The following DCC variants were observed in gnomAD, a reference collection of about 807,000 sequenced individuals.
DCC encodes netrin receptor DCC.
A neutral mutation model predicts 172.5 loss-of-function variants in DCC; 58 were observed. The observed-to-expected ratio is 0.34, with a 90% CI of 0.27 to 0.42. The LOEUF (loss-of-function observed/expected upper bound fraction) is 0.42, where lower values mean the gene tolerates loss of function less well. DCC is among the 10% of genes least tolerant of loss of function. The pLI, the probability that DCC is intolerant of heterozygous loss-of-function variation, is 1.00. For synonymous variants in DCC, 709 were observed against 644.5 expected, an observed-to-expected ratio of 1.10 and a Z score of -1.52; for missense variants, 1,740 against 1,791.0, an observed-to-expected ratio of 0.97 and a Z score of 0.51.
intron 26 of DCC, among the ~76,000 whole-genome samples, chr18:53,493,691 T>C (rs1453705372): frequency 6.6e-6 from 1 of 152,184 alleles, no homozygotes; most frequent in African/African-American, 2.4e-5. Context: ...CAGTCTATTT[T>C]GTTGATCTTT....
intron 9 of DCC, among the ~76,000 whole-genome samples, chr18:53,187,420 C>G (rs958511153): frequency 6.6e-6 from 1 of 152,068 alleles, no homozygotes; most frequent in African/African-American, 2.4e-5. Flanking sequence ...CCGTGCCTGG[C>G]TCTATTTCCT....
chr18:53,401,297 C>T (rs543549821), intron 18 of DCC, among the ~76,000 whole-genome samples: 4 of 152,244 alleles, frequency 2.6e-5, no homozygotes, highest in Admixed American at 2.0e-4. Context: ...TTCATTCCCC[C>T]CTCCTCTTCT....
intron 2 of DCC, among the ~76,000 whole-genome samples, chr18:52,805,280 A>G (rs1252301110): frequency 6.6e-6 from 1 of 152,222 alleles, no homozygotes; most frequent in African/African-American, 2.4e-5. Flanking sequence ...AGTGAGGTGT[A>G]TATTAACAGC....
At chr18:53,366,101 G>T (rs2144944703) in intron 15 of DCC, among the ~76,000 whole-genome samples, 2 of 151,814 alleles carry the variant, frequency 1.3e-5, no homozygotes, top group Middle Eastern at 3.4e-3. Context: ...TTACTGCCCA[G>T]GCTGGAGTGC....
intron 7 of DCC, among the ~76,000 whole-genome samples, chr18:53,098,972 A>G (rs2043125037): frequency 1.3e-5 from 2 of 152,232 alleles, no homozygotes; most frequent in East Asian, 1.9e-4. Flanking sequence ...TGATGGCGCC[A>G]TGCTCCAGCC....
intron 12 of DCC, among the ~76,000 whole-genome samples, chr18:53,228,792 A>G (rs146286274): frequency 4.1e-4 from 63 of 152,222 alleles, no homozygotes; most frequent in African/African-American, 1.4e-3. Flanking sequence ...ACATAACAAT[A>G]CCTTAAACCA....
chr18:53,150,115 G>A (rs1598850983), intron 7 of DCC, among the ~76,000 whole-genome samples: 1 of 152,200 alleles, frequency 6.6e-6, no homozygotes, highest in Non-Finnish European at 1.5e-5. Flanking sequence ...CTGTGACAGA[G>A]CAGGCTGTGA....
chr18:52,529,613 C>T (rs949601064), intron 1 of DCC, among the ~76,000 whole-genome samples: 1 of 152,202 alleles, frequency 6.6e-6, no homozygotes, highest in African/African-American at 2.4e-5. Flanking sequence ...TGCAGTAACA[C>T]GCTGTTATTT....
chr18:52,644,911 A>G (rs182093701), intron 1 of DCC, among the ~76,000 whole-genome samples: 12 of 151,468 alleles, frequency 7.9e-5, no homozygotes, highest in Admixed American at 2.6e-4. Context: ...GACTACTCTA[A>G]AAAGTATATT....
chr18:52,830,997 G>GC (rs1648379844), intron 2 of DCC, among the ~76,000 whole-genome samples: 1 of 152,016 alleles, frequency 6.6e-6, no homozygotes, highest in South Asian at 2.1e-4. Context: ...AGATCTCAGG[G>GC]CATAGGGCAA....
At chr18:52,636,613 ATCC>A (rs1438595184) in intron 1 of DCC, among the ~76,000 whole-genome samples, 1 of 151,994 alleles carries the variant, frequency 6.6e-6, no homozygotes, top group Non-Finnish European at 1.5e-5. Context: ...CAGCTGCATA[ATCC>A]TCCTAGGTAT....
At chr18:52,980,977 T>C (rs1320820783) in intron 5 of DCC, among the ~76,000 whole-genome samples, 3 of 150,262 alleles carry the variant, frequency 2.0e-5, no homozygotes, top group Non-Finnish European at 4.4e-5. Context: ...ACAACAATAA[T>C]GCCAGGAAGG....
At chr18:52,567,690 A>G (rs1055930490) in intron 1 of DCC, among the ~76,000 whole-genome samples, 5 of 152,178 alleles carry the variant, frequency 3.3e-5, no homozygotes, top group African/African-American at 9.6e-5. Context: ...ATGAGTGATG[A>G]GAAATTACTT....
chr18:53,250,993 G>A (rs1463034332), intron 12 of DCC, among the ~76,000 whole-genome samples: 2 of 151,904 alleles, frequency 1.3e-5, no homozygotes, highest in Non-Finnish European at 2.9e-5. Flanking sequence ...TTCCTGGAAT[G>A]AGTTTCTATA....
At chr18:52,344,560 C>T (rs1386882238) in intron 1 of DCC, among the ~76,000 whole-genome samples, 1 of 152,164 alleles carries the variant, frequency 6.6e-6, no homozygotes, top group Non-Finnish European at 1.5e-5. Context: ...GCAGTAGGGT[C>T]ATCTAGCAGG....
At chr18:53,015,952 T>A (rs1196697367) in intron 5 of DCC, among the ~76,000 whole-genome samples, 1 of 152,136 alleles carries the variant, frequency 6.6e-6, no homozygotes, top group Non-Finnish European at 1.5e-5. Flanking sequence ...GAATACTTTG[T>A]CAAAACTTGT....
At chr18:53,498,734 G>GTCATC (rs959736395) in intron 26 of DCC, among the ~76,000 whole-genome samples, 20 of 152,298 alleles carry the variant, frequency 1.3e-4, no homozygotes, top group African/African-American at 4.6e-4. Flanking sequence ...TTCTGGCAGA[G>GTCATC]TCATCTCTCA....
At chr18:53,447,598 A>G (rs951995962) in intron 22 of DCC, among the ~76,000 whole-genome samples, 14 of 152,216 alleles carry the variant, frequency 9.2e-5, no homozygotes, top group Non-Finnish European at 7.3e-5. Flanking sequence ...AAATGTTGAC[A>G]AGGTGTACTG....
At chr18:53,222,937 C>G (rs1261074914) in intron 12 of DCC, among the ~76,000 whole-genome samples, 1 of 151,780 alleles carries the variant, frequency 6.6e-6, no homozygotes, top group African/African-American at 2.4e-5. Context: ...CATCTTCCTC[C>G]AAAAATACCT....
Sources: gnomAD v4.1 joint callset for allele counts (sites outside exome capture counted in the v4.1 genomes callset) on GRCh38, gnomAD v4.1.1 for gene constraint, MANE v1.5 for transcripts, NCBI Gene and HGNC (gene_info 2026-07-23, HGNC 2026-07-21) for gene names.